Variants in CPNE5 observed in about 807,000 individuals in gnomAD.
The protein encoded by CPNE5 is copine 5, also known as copine-5.
Under a neutral mutation model 81.1 loss-of-function variants are expected in CPNE5, and 42 were observed. The observed-to-expected ratio is 0.52, with a 90% CI of 0.40 to 0.67. CPNE5 has a LOEUF of 0.67. CPNE5 is among the 30% of genes least tolerant of loss of function. The pLI is 0.00. For synonymous variants in CPNE5, 313 were observed against 321.5 expected, an observed-to-expected ratio of 0.97 and a Z score of 0.28; for missense variants, 612 against 815.5, an observed-to-expected ratio of 0.75 and a Z score of 3.04.
intron 3 of CPNE5, among the ~76,000 whole-genome samples, chr6:36,805,742 ACT>A (rs538471087): frequency 2.6e-5 from 4 of 151,976 alleles, no homozygotes; most frequent in South Asian, 2.1e-4. Flanking sequence ...CTTCTGAAAG[ACT>A]CTCTCCCTGG....
intron 8 of CPNE5, among the ~76,000 whole-genome samples, chr6:36,780,533 T>C (rs1767952087): frequency 2.0e-5 from 3 of 152,218 alleles, no homozygotes; most frequent in African/African-American, 7.2e-5. Context: ...ATGGAGGTAA[T>C]GGCAGTGCCC....
intron 3 of CPNE5, among the ~76,000 whole-genome samples, chr6:36,803,707 T>C (rs1770335236): frequency 1.3e-5 from 2 of 152,248 alleles, no homozygotes; most frequent in African/African-American, 4.8e-5. Context: ...ACTGGTTTCC[T>C]CATTAATTAA....
intron 12 of CPNE5, 136 bp downstream of exon 12, chr6:36,762,781 A>T: frequency 2.8e-6 from 2 of 703,336 alleles, no homozygotes; most frequent in Non-Finnish European, 4.9e-6. Context: ...TGGTCTCCTT[A>T]ACGGTAGAAT....
At position 36,744,268 on chromosome 6, in the gene CPNE5, C is replaced by T. The variant is rs758174594; in HGVS notation, c.1489G>A (p.Ala497Thr). The change falls in exon 19 of 21, where the codon GCC becomes ACC. Residue 497 changes from alanine (A) to threonine (T), a missense_variant and splice_region_variant. Transcript: ENST00000244751. The stretch of plus-strand genomic sequence containing the variant: ...AGGGGAAGGCAGCAGCTGGACTCAC[C>T]GTCGAACTCTGCCTGGCCCACGCCG... Reference protein sequence around the residue: ...IVGVGQAEFDAMVELDGDDVR... With the variant: ...IVGVGQAEFDTMVELDGDDVR... The T allele has an allele frequency of 2.5e-6, 4 of 1,577,080 alleles. No homozygotes were observed. The highest frequency in any genetic ancestry group is 2.3e-5 in the South Asian group (2 of 85,638).
intron 13 of CPNE5, chr6:36,754,868 ACTGGTAGCTATGGG>A (rs1582743741): frequency 6.6e-6 from 1 of 152,186 alleles, no homozygotes; most frequent in East Asian, 1.9e-4. Context: ...CTGGGGCTCT[ACTGGTAGCTATGGG>A]CAGCAGCCAG....
At chr6:36,797,011 T>C (rs183472953) in intron 6 of CPNE5, among the ~76,000 whole-genome samples, 2 of 152,302 alleles carry the variant, frequency 1.3e-5, no homozygotes, top group African/African-American at 4.8e-5. Flanking sequence ...TTCAAGTGAT[T>C]CTCGTGCCTC....
intron 8 of CPNE5, among the ~76,000 whole-genome samples, chr6:36,784,112 G>T (rs141502722): frequency 2.6e-5 from 4 of 152,170 alleles, no homozygotes; most frequent in Admixed American, 2.6e-4. Context: ...GGAAAAATCC[G>T]CCAGTGTGCA....
intron 6 of CPNE5, among the ~76,000 whole-genome samples, chr6:36,795,411 T>G (rs1048484789): frequency 1.3e-5 from 2 of 152,192 alleles, no homozygotes; most frequent in African/African-American, 4.8e-5. Context: ...ACTCCTGACC[T>G]CAGGTGATCT....
intron 8 of CPNE5, among the ~76,000 whole-genome samples, chr6:36,781,721 G>A (rs1353925786): frequency 6.6e-6 from 1 of 152,164 alleles, no homozygotes; most frequent in Admixed American, 6.5e-5. Context: ...CAGAGCAAAG[G>A]GAAAACGTGG....
At chr6:36,744,912 G>A in intron 18 of CPNE5, 136 bp downstream of exon 18, 1 of 663,920 alleles carries the variant, frequency 1.5e-6, no homozygotes, top group South Asian at 1.7e-5. Flanking sequence ...AGTGAGGCAG[G>A]GAAATGAGAA....
At chr6:36,817,156 T>A (rs980715904) in intron 3 of CPNE5, among the ~76,000 whole-genome samples, 1 of 152,020 alleles carries the variant, frequency 6.6e-6, no homozygotes, top group African/African-American at 2.4e-5. Context: ...TGAAACCCTG[T>A]CTCTACTAAA....
intron 6 of CPNE5, among the ~76,000 whole-genome samples, chr6:36,797,265 T>G (rs1319159917): frequency 6.6e-6 from 1 of 152,262 alleles, no homozygotes; most frequent in Non-Finnish European, 1.5e-5. Context: ...TGGCAGAAGA[T>G]CTGATGATCT....
chr6:36,751,801 T>TA (rs1764858560), intron 14 of CPNE5, among the ~76,000 whole-genome samples: 1 of 151,030 alleles, frequency 6.6e-6, no homozygotes, highest in Non-Finnish European at 1.5e-5. Context: ...TCTCAAAAAA[T>TA]AAATAAAATA....
chr6:36,794,562 C>A (rs1034532511), intron 7 of CPNE5, 28 bp downstream of exon 7: 4 of 1,610,912 alleles, frequency 2.5e-6, no homozygotes, highest in Non-Finnish European at 3.4e-6. Flanking sequence ...TCTAAGGACT[C>A]CAGGGCCAGA....
intron 10 of CPNE5, among the ~76,000 whole-genome samples, chr6:36,771,847 G>A (rs2150440809): frequency 6.6e-6 from 1 of 152,216 alleles, no homozygotes; most frequent in African/African-American, 2.4e-5. Context: ...GGGGGGATAG[G>A]CCTGATCGTT....
chr6:36,753,666 G>C (rs1412266911), intron 13 of CPNE5, among the ~76,000 whole-genome samples: 3 of 152,156 alleles, frequency 2.0e-5, no homozygotes, highest in African/African-American at 7.2e-5. Context: ...CTCATAAGTA[G>C]CCCATCCTTT....
intron 16 of CPNE5, among the ~76,000 whole-genome samples, chr6:36,745,832 A>G (rs1313817430): frequency 6.6e-6 from 1 of 152,118 alleles, no homozygotes; most frequent in African/African-American, 2.4e-5. Flanking sequence ...GGTCTCAGCA[A>G]CTCAGGAAGG....
chr6:36,780,203 T>C (rs1029148508), intron 8 of CPNE5, among the ~76,000 whole-genome samples: 6 of 152,070 alleles, frequency 3.9e-5, no homozygotes, highest in African/African-American at 1.2e-4. Context: ...GACCTCATGA[T>C]CCGCCCGCCT....
At position 36,766,681 on chromosome 6, in the gene CPNE5, A is replaced by G. The variant is rs1195427525; in HGVS notation, c.738-1305T>C. Among the ~76,000 whole-genome samples the G allele has an allele frequency of 6.6e-6, 1 of 152,058 alleles. No individual in the cohort carries two copies. The highest frequency in any genetic ancestry group is 1.5e-5 in the Non-Finnish European group (1 of 68,002). On this transcript the variant is annotated intron_variant, in intron 10 of 20. Transcript: ENST00000244751. This position sits in a 1 kb window ranked among gnomAD's most constrained non-coding sequence, Gnocchi z 4.2. ...TGGGCCCCTCACTATGGGACCTGAG[A>G]TGTCACTTAATCTCCCCGAGCCATA...
Sources: allele counts gnomAD v4.1 joint callset (sites outside exome capture counted in the v4.1 genomes callset), GRCh38; gene constraint gnomAD v4.1.1; non-coding constraint Gnocchi (gnomAD v3.1); transcripts MANE v1.5; gene names NCBI Gene and HGNC (gene_info 2026-07-23, HGNC 2026-07-21).